The following MED27 variants were observed in gnomAD, a reference collection of about 807,000 sequenced individuals.
MED27 encodes the protein mediator of RNA polymerase II transcription subunit 27.
A neutral mutation model predicts 38.2 loss-of-function variants in MED27; 30 were observed. The observed-to-expected ratio is 0.79, with a 90% CI of 0.59 to 1.07. The LOEUF is 1.07. Among genes scored for constraint, MED27 ranks in the 50% least tolerant of loss-of-function variants. The pLI, the probability that MED27 is intolerant of heterozygous loss-of-function variation, is 0.00. For missense variants in MED27, 289 were observed against 397.5 expected (o/e 0.73, Z 2.32); for synonymous variants, 122 against 153.5 (o/e 0.79, Z 1.52).
rs887092623 is a variant in MED27 at position 131,997,443 on chromosome 9, G to A, written c.479+16894C>T. 2.0e-5 allele frequency among the ~76,000 whole-genome samples: 3 copies of A among 152,180 alleles called. No individual in the cohort carries two copies. Among genetic ancestry groups the A allele is most frequent in the African/African-American group, 7.2e-5 (3 of 41,444 alleles). ...CATATGGTGACTGAGTGAGGCAGGG[G>A]TACAAAGGCCCAGACTTTTGGCCAA... is the stretch of plus-strand genomic sequence containing the variant. On this transcript the variant is annotated intron_variant, in intron 3 of 7. Transcript: ENST00000292035. This position sits in a 1 kb window ranked among gnomAD's most constrained non-coding sequence, Gnocchi z 4.0.
Position 131,958,349 on chromosome 9 carries a change from G to A in MED27, c.480-18875C>T, listed in dbSNP as rs188115076. On this transcript the variant is annotated intron_variant, in intron 3 of 7. Coordinates refer to ENST00000292035, the MANE Select transcript of MED27 (RefSeq NM_004269.4). ...ACACCTCCGCCTCCCGAGTTCTAGC[G>A]ATTCTCCTGCCTCAGCCTCTTGAGT... is the stretch of plus-strand genomic sequence containing the variant. 3.0e-4 allele frequency among the ~76,000 whole-genome samples: 46 copies of A among 151,738 alleles called. No individual in the cohort carries two copies. In the East Asian group the frequency reaches 5.8e-3, roughly 19 times the overall value.
At chr9:131,979,377 T>C (rs780910183) in intron 3 of MED27, among the ~76,000 whole-genome samples, 7 of 152,052 alleles carry the variant, frequency 4.6e-5, no homozygotes, top group Non-Finnish European at 1.0e-4. Context: ...CCAACGCTTA[T>C]GTATCTTCCT....
chr9:131,967,831 T>C (rs1831383188), intron 3 of MED27, among the ~76,000 whole-genome samples: 1 of 147,772 alleles, frequency 6.8e-6, no homozygotes, highest in Non-Finnish European at 1.5e-5. Flanking sequence ...TTTTTTTTTT[T>C]TTTTTGAGAC....
chr9:131,936,822 C>G lies in MED27; in HGVS notation c.573+2559G>C, dbSNP rs79541165. 3.3e-3 allele frequency among the ~76,000 whole-genome samples: 505 copies of G among 152,284 alleles called. 1 individual carries two copies. The highest frequency in any genetic ancestry group is 0.012 in the African/African-American group (484 of 41,562). ...TTTCTGTTGACTGCATTCAAGGAAG[C>G]CCAGCCAATTCAGGAGGAAATGCCG... On this transcript the variant is annotated intron_variant, in intron 4 of 7. Coordinates refer to ENST00000292035, the MANE Select transcript of MED27 (RefSeq NM_004269.4).
intron 2 of MED27, among the ~76,000 whole-genome samples, chr9:132,047,703 AGTGCATGCCCT>A (rs2131130892): frequency 6.6e-6 from 1 of 152,354 alleles, no homozygotes; most frequent in East Asian, 1.9e-4. Flanking sequence ...GAGAAATTAT[AGTGCATGCCCT>A]GAATGGAATA....
rs55702268 is a variant in MED27, at chr9:131,932,382, G to GAA, written c.573+6997_573+6998dup. 9.4e-3 allele frequency among the ~76,000 whole-genome samples: 1,307 copies of GAA among 139,358 alleles called. 13 individuals are homozygous for GAA. The highest frequency in any genetic ancestry group is 0.031 in the African/African-American group (1,178 of 37,596). The allele number at this position is 139,358 out of a possible 152,430, so 91.4% of individuals were successfully genotyped here. On this transcript the variant is annotated intron_variant, in intron 4 of 7. Coordinates refer to ENST00000292035, the MANE Select transcript of MED27 (RefSeq NM_004269.4). ...CAAACCTTTAGCCAGACTAATTAGGGAAAAAAAAAAAGAGAGAAGATACAA... is the reference window on the plus strand; with the variant it reads ...CAAACCTTTAGCCAGACTAATTAGGGAAAAAAAAAAAAAGAGAGAAGATACAA...
At chr9:131,865,687 C>A (rs1001009681) in intron 6 of MED27, among the ~76,000 whole-genome samples, 7 of 152,214 alleles carry the variant, frequency 4.6e-5, no homozygotes, top group Admixed American at 4.6e-4. Flanking sequence ...TCCCTGGGAT[C>A]CCCTGGGTGA....
intron 5 of MED27, among the ~76,000 whole-genome samples, chr9:131,886,780 G>A (rs1839148679): frequency 6.6e-6 from 1 of 152,186 alleles, no homozygotes; most frequent in African/African-American, 2.4e-5. Flanking sequence ...AATCGGGTTC[G>A]TATTACTTTC....
chr9:132,054,161 G>A (rs938609629), intron 2 of MED27, among the ~76,000 whole-genome samples: 4 of 152,100 alleles, frequency 2.6e-5, no homozygotes, highest in African/African-American at 4.8e-5. Flanking sequence ...TGCTAGAGGC[G>A]GGGCCTGAAG....
At chr9:132,050,880 A>G (rs1564340912) in intron 2 of MED27, among the ~76,000 whole-genome samples, 1 of 152,196 alleles carries the variant, frequency 6.6e-6, no homozygotes, top group African/African-American at 2.4e-5. Context: ...GGGCTGTGAG[A>G]CCTTGACTTT....
At chr9:131,973,233 T>C (rs1430444900) in intron 3 of MED27, among the ~76,000 whole-genome samples, 2 of 152,228 alleles carry the variant, frequency 1.3e-5, no homozygotes, top group East Asian at 1.9e-4. Flanking sequence ...AACAAAACCC[T>C]GCCTGTGACA....
chr9:131,961,441 G>C (rs1212914384), intron 3 of MED27, among the ~76,000 whole-genome samples: 2 of 152,230 alleles, frequency 1.3e-5, no homozygotes, highest in Non-Finnish European at 2.9e-5. Context: ...GAACAGTATA[G>C]CATGTTTTCT....
intron 3 of MED27, among the ~76,000 whole-genome samples, chr9:131,974,988 G>T (rs1309898708): frequency 1.3e-5 from 2 of 152,232 alleles, no homozygotes; most frequent in South Asian, 2.1e-4. Context: ...GAACCTAAGT[G>T]ATTCTCTACC....
chr9:131,997,452 C>T lies in MED27; in HGVS notation c.479+16885G>A, dbSNP rs1832114846. Among the ~76,000 whole-genome samples the T allele has an allele frequency of 6.6e-6, 1 of 152,182 alleles. No homozygotes were observed. Among genetic ancestry groups the T allele is most frequent in the Admixed American group, 6.5e-5 (1 of 15,276 alleles). On this transcript the variant is annotated intron_variant, in intron 3 of 7. Transcript: ENST00000292035. The surrounding 1 kb of genome is among the most constrained non-coding windows in gnomAD (Gnocchi z 4.0). ...ACTGAGTGAGGCAGGGGTACAAAGG[C>T]CCAGACTTTTGGCCAACACAGGACA...
At chr9:131,909,684 T>A (rs10901111) in intron 4 of MED27, among the ~76,000 whole-genome samples, 80,570 of 152,106 alleles carry the variant, frequency 0.53, 23,224 homozygotes, top group Non-Finnish European at 0.66. Flanking sequence ...CCAATTAATA[T>A]GAATGGAAAA....
intron 4 of MED27, among the ~76,000 whole-genome samples, chr9:131,902,716 C>G (rs966544437): frequency 5.3e-5 from 8 of 152,140 alleles, no homozygotes; most frequent in African/African-American, 1.7e-4. Context: ...CTGGGGGTGG[C>G]TCCCGTGTCC....
chr9:132,015,921 C>T (rs1175118782), intron 2 of MED27, among the ~76,000 whole-genome samples: 2 of 152,192 alleles, frequency 1.3e-5, no homozygotes, highest in Non-Finnish European at 2.9e-5. Context: ...ATGTTTCTTC[C>T]TCTCTTCTCA....
At chr9:131,907,985 C>T (rs1229895114) in intron 4 of MED27, among the ~76,000 whole-genome samples, 1 of 151,022 alleles carries the variant, frequency 6.6e-6, no homozygotes, top group African/African-American at 2.4e-5. Context: ...TGCCTGGCAA[C>T]CGCCCCGTCT....
intron 5 of MED27, among the ~76,000 whole-genome samples, chr9:131,888,198 C>G (rs1341972921): frequency 1.3e-5 from 2 of 152,238 alleles, no homozygotes; most frequent in South Asian, 2.1e-4. Flanking sequence ...ACGCATTCGG[C>G]CTGCCCTTTA....
Sources: allele counts gnomAD v4.1 joint callset (sites outside exome capture counted in the v4.1 genomes callset), GRCh38; gene constraint gnomAD v4.1.1; non-coding constraint Gnocchi (gnomAD v3.1); transcripts MANE v1.5; gene names NCBI Gene and HGNC (gene_info 2026-07-23, HGNC 2026-07-21).